The following SNX2 variants were observed in gnomAD, a reference collection of about 807,000 sequenced individuals.
SNX2 encodes sorting nexin-2.
SNX2 carries 25 observed loss-of-function variants against 69.9 expected under a neutral mutation model. That is an observed-to-expected ratio of 0.36 (90% CI 0.26 to 0.50). The LOEUF (loss-of-function observed/expected upper bound fraction) is 0.50, where lower values mean the gene tolerates loss of function less well. SNX2 is among the 20% of genes least tolerant of loss of function. The probability of loss-of-function intolerance (pLI) is 0.97; values close to 1 mark genes in which losing one functional copy is unlikely to be tolerated. For missense variants in SNX2, 551 were observed against 613.3 expected (o/e 0.90, Z 1.07); for synonymous variants, 229 against 200.4 (o/e 1.14, Z -1.20).
Position 122,806,142 on chromosome 5 carries a change from G to GCACA in SNX2, c.644-2112_644-2109dup, listed in dbSNP as rs139834252. ...TGTGTATATATATACACACGCGCGC[G>GCACA]CACACACACACACACACACACACAC... On this transcript the variant is annotated intron_variant, in intron 6 of 14. Transcript: ENST00000379516. Among the ~76,000 whole-genome samples the GCACA allele has an allele frequency of 5.2e-3, 678 of 130,648 alleles. 8 individuals carry two copies. The highest frequency in any genetic ancestry group is 0.019 in the African/African-American group (650 of 34,536). The allele number at this position is 130,648 out of a possible 152,430, so 85.7% of individuals were successfully genotyped here.
At chr5:122,816,160 G>A (rs907081461) in intron 8 of SNX2, among the ~76,000 whole-genome samples, 189 bp downstream of exon 8, 33 of 152,066 alleles carry the variant, frequency 2.2e-4, no homozygotes, top group African/African-American at 7.2e-4. Flanking sequence ...GATACTTGTA[G>A]GGTGATTAGT....
chr5:122,817,346 G>T lies in SNX2; in HGVS notation c.979G>T (p.Val327Phe), dbSNP rs762907221. The T allele has an allele frequency of 4.3e-6, 7 of 1,613,772 alleles. No homozygotes were observed. The highest frequency in any genetic ancestry group is 5.9e-6 in the Non-Finnish European group (7 of 1,179,894). The change falls in exon 10 of 15, where the codon GTT becomes TTT. Residue 327 changes from valine to phenylalanine, a missense_variant. Val to Phe is a conservative substitution (Grantham distance 50, BLOSUM62 -1). Around this residue, in one of 2 missense-constraint regions of SNX2, gnomAD observed 360 missense variants for 450.4 expected, o/e 0.80. Coordinates refer to ENST00000379516, the MANE Select transcript of SNX2 (RefSeq NM_003100.4). Reference protein sequence around the residue: ...DQQLRKLHVSVEALVCHRKEL... With the variant: ...DQQLRKLHVSFEALVCHRKEL... ...GCAACTTAGGAAACTTCATGTCAGTGTTGAAGCCTTGGTCTGTCATAGAAA... is the reference window on the plus strand; with the variant it reads ...GCAACTTAGGAAACTTCATGTCAGTTTTGAAGCCTTGGTCTGTCATAGAAA...
rs976814744 is a variant in SNX2 at position 122,830,862 on chromosome 5, C to A, written c.*1214C>A. Among the ~76,000 whole-genome samples the A allele has an allele frequency of 1.4e-4, 21 of 151,730 alleles. No individual in the cohort carries two copies. The highest frequency in any genetic ancestry group is 2.6e-4 in the Non-Finnish European group (18 of 67,926). On this transcript the variant is annotated 3_prime_UTR_variant, in exon 15 of 15. Coordinates refer to ENST00000379516, the MANE Select transcript of SNX2 (RefSeq NM_003100.4). ...CATCTCTACTAAAAATACAAAAATT[C>A]GCCTGGTGTGGTGGGGTGTGCTTGT... is the stretch of plus-strand genomic sequence containing the variant.
chr5:122,785,545 T>C (rs4835896), intron 1 of SNX2, among the ~76,000 whole-genome samples: 123,260 of 152,062 alleles, frequency 0.81, 50,849 homozygotes, highest in East Asian at 0.99. Context: ...CCTCTAAGCA[T>C]GACTTTGGCT....
In SNX2 at chr5:122,820,250, T is replaced by C. The variant is rs1753990764; in HGVS notation, c.1212+1227T>C. 6.6e-5 allele frequency among the ~76,000 whole-genome samples: 10 copies of C among 152,180 alleles called. No individual in the cohort carries two copies. In the South Asian group the frequency reaches 2.1e-3, roughly 32 times the overall value. On this transcript the variant is annotated intron_variant, in intron 11 of 14. Coordinates refer to ENST00000379516, the MANE Select transcript of SNX2 (RefSeq NM_003100.4). ...GTTGGGCAGTGTCTGTAAGAATACA[T>C]ATCTGGGCCGGGCACTGTGGCTCAC...
At chr5:122,817,484 ATCATT>A in intron 10 of SNX2, 111 bp downstream of exon 10, 2 of 707,698 alleles carry the variant, frequency 2.8e-6, no homozygotes, top group Admixed American at 6.8e-5. Flanking sequence ...AGAGAAAACA[ATCATT>A]TAAGACAATG....
At chr5:122,800,444 ATAT>A (rs1554062639) in intron 3 of SNX2, among the ~76,000 whole-genome samples, 2 of 152,236 alleles carry the variant, frequency 1.3e-5, no homozygotes, top group Non-Finnish European at 2.9e-5. Context: ...CGCAAACATA[ATAT>A]TAAGGGAAAT....
At chr5:122,781,661 T>C (rs188559000) in intron 1 of SNX2, among the ~76,000 whole-genome samples, 3 of 152,190 alleles carry the variant, frequency 2.0e-5, no homozygotes, top group Non-Finnish European at 2.9e-5. Context: ...CATATCCTTG[T>C]CAGCACTTGT....
chr5:122,823,087 A>G (rs1272052829), intron 11 of SNX2, among the ~76,000 whole-genome samples: 1 of 152,206 alleles, frequency 6.6e-6, no homozygotes, highest in African/African-American at 2.4e-5. Context: ...AACTGAGAGC[A>G]GCTTGCATAC....
chr5:122,808,337 G>A lies in SNX2; in HGVS notation c.704G>A (p.Arg235Gln), dbSNP rs1366629396. The part of the protein sequence containing the change: ...DSSSTEFVEK[R>Q]RAALERYLQR... ...TCATCCACTGAGTTTGTAGAAAAAC[G>A]GAGAGCAGCTCTTGAAAGGTAATTC... The change falls in exon 7 of 15, where the codon CGG becomes CAG. Residue 235 changes from arginine (R) to glutamine (Q), a missense_variant. By Grantham distance (43) the Arg-to-Gln change is conservative. This residue lies in a region of SNX2 where 360 missense variants were observed against 450.4 expected (regional missense o/e 0.80). Coordinates refer to ENST00000379516, the MANE Select transcript of SNX2 (RefSeq NM_003100.4). The A allele has an allele frequency of 2.5e-6, 4 of 1,610,020 alleles. No homozygotes were observed. Among genetic ancestry groups the A allele is most frequent in the Non-Finnish European group, 2.5e-6 (3 of 1,177,970 alleles).
At chr5:122,806,109 T>C (rs147187715) in intron 6 of SNX2, among the ~76,000 whole-genome samples, 6,544 of 81,778 alleles carry the variant, frequency 0.08, 211 homozygotes, top group East Asian at 0.12. Flanking sequence ...TGTGTGTGTG[T>C]GTGCGTGTGT....
At position 122,775,187 on chromosome 5, in the gene SNX2, C is replaced by G. The variant is rs1201714436; in HGVS notation, c.84C>G (p.Phe28Leu). 2 of 1,590,274 alleles carry G rather than the reference C, an allele frequency of 1.3e-6. No homozygotes were observed. Among genetic ancestry groups the G allele is most frequent in the South Asian group, 2.3e-5 (2 of 86,598 alleles). The stretch of plus-strand genomic sequence containing the variant: ...ATCTGGAGGACGGAGAGGACCTGTT[C>G]ACCAGCACTGTCTCCACCCTAGAGG... Reference protein sequence around the residue: ...FEDLEDGEDLFTSTVSTLESS... With the variant: ...FEDLEDGEDLLTSTVSTLESS... The change falls in exon 1 of 15, where the codon TTC becomes TTG. Residue 28 changes from phenylalanine (F) to leucine (L), a missense_variant. By Grantham distance (22) the Phe-to-Leu change is conservative. This residue lies in a region of SNX2 where 191 missense variants were observed against 162.9 expected (regional missense o/e 1.17). Coordinates refer to ENST00000379516, the MANE Select transcript of SNX2 (RefSeq NM_003100.4).
chr5:122,827,527 T>C (rs932747269), intron 13 of SNX2, 48 bp from the exon 14 acceptor site: 12 of 1,605,468 alleles, frequency 7.5e-6, no homozygotes, highest in African/African-American at 6.7e-5. Flanking sequence ...TGTGGTAAAG[T>C]TGAATTTAGC....
rs1459761909 is a variant in SNX2 at position 122,832,340 on chromosome 5, C to T, written c.*2692C>T. ...ATATTTTGTTTAAAATATCAAACTT[C>T]AATATAAATATGTTGGAAAACAATT... On this transcript the variant is annotated 3_prime_UTR_variant, in exon 15 of 15. Transcript: ENST00000379516. 1.3e-5 allele frequency: 2 copies of T among 151,990 alleles called. No homozygotes were observed. The highest frequency in any genetic ancestry group is 4.8e-5 in the African/African-American group (2 of 41,360). 9.4% of individuals were successfully genotyped at this position (151,990 alleles called of 1,614,324 possible).
In SNX2 at chr5:122,799,796, C is replaced by A. The variant is rs751008407; in HGVS notation, c.331C>A (p.Pro111Thr). ...TPVTPTTLIA[P>T]RIESKSMSAP... The stretch of plus-strand genomic sequence containing the variant: ...TGTCACTCCTACTACACTCATTGCT[C>A]CTAGAATTGAATCAAAGAGTATGTC... The change falls in exon 3 of 15, where the codon CCT (proline) becomes ACT (threonine). Residue 111 changes from proline to threonine, a missense_variant. Coordinates refer to ENST00000379516, the MANE Select transcript of SNX2 (RefSeq NM_003100.4). 6.2e-7 allele frequency: 1 copy of A among 1,613,402 alleles called. No homozygotes were observed. The highest frequency in any genetic ancestry group is 1.7e-5 in the Admixed American group (1 of 59,988).
intron 14 of SNX2, among the ~76,000 whole-genome samples, chr5:122,828,368 T>A (rs906234126): frequency 1.3e-5 from 2 of 152,198 alleles, no homozygotes; most frequent in Non-Finnish European, 2.9e-5. Flanking sequence ...TTAAATTTTT[T>A]TAAATATGAA....
rs77998331 is a variant in SNX2, at chr5:122,817,390, A to C, written c.1006+17A>C. On this transcript the variant is annotated intron_variant, in intron 10 of 14. Coordinates refer to ENST00000379516, the MANE Select transcript of SNX2 (RefSeq NM_003100.4). ...ATAGAAAAGGTTTGTTTGCCTTACT[A>C]CTTACGTAGTTAGCACCATAAAACT... The C allele has an allele frequency of 6.5e-7, 1 of 1,547,446 alleles. No individual in the cohort carries two copies. The highest frequency in any genetic ancestry group is 8.9e-7 in the Non-Finnish European group (1 of 1,121,572).
At chr5:122,790,022 A>G (rs1379014574) in intron 1 of SNX2, among the ~76,000 whole-genome samples, 1 of 152,228 alleles carries the variant, frequency 6.6e-6, no homozygotes, top group Non-Finnish European at 1.5e-5. Context: ...TGGAAATCCA[A>G]GAGCAGCTTA....
At chr5:122,793,490 A>G (rs1753291732) in intron 1 of SNX2, among the ~76,000 whole-genome samples, 1 of 152,212 alleles carries the variant, frequency 6.6e-6, no homozygotes, top group Admixed American at 6.5e-5. Context: ...TCTAGGTTTG[A>G]TGGTAATGGT....
Sources: gnomAD v4.1 joint callset for allele counts (sites outside exome capture counted in the v4.1 genomes callset) on GRCh38, gnomAD v4.1.1 for gene constraint, gnomAD v4.1.1 regional missense constraint, MANE v1.5 for transcripts, NCBI Gene and HGNC (gene_info 2026-07-23, HGNC 2026-07-21) for gene names.